SORCS1: variants seen among roughly 807,000 people sequenced by gnomAD.
SORCS1 encodes the protein VPS10 domain-containing receptor SorCS1.
Under a neutral mutation model 146.1 loss-of-function variants are expected in SORCS1, and 60 were observed. That is an observed-to-expected ratio of 0.41 (90% confidence interval 0.33 to 0.51). The LOEUF is 0.51. Among genes scored for constraint, SORCS1 ranks in the 20% least tolerant of loss-of-function variants. SORCS1 has a pLI of 0.21. For missense variants in SORCS1, 1,352 were observed against 1,487.6 expected, an observed-to-expected ratio of 0.91 and a Z score of 1.50; for synonymous variants, 637 against 584.0, an observed-to-expected ratio of 1.09 and a Z score of -1.31.
In SORCS1 at chr10:106,633,658, T is replaced by C. The variant is rs187216652; in HGVS notation, c.2476-4270A>G. Among the ~76,000 whole-genome samples the C allele has an allele frequency of 4.8e-5, 7 of 144,478 alleles. No individual in the cohort carries two copies. The East Asian group carries it at 1.8e-3, about 37-fold the overall frequency. 94.8% of individuals were successfully genotyped at this position (144,478 alleles called of 152,430 possible). A position where few individuals can be genotyped will look rare whatever the true frequency, so the allele number is the denominator to read the frequency against. On this transcript the variant is annotated intron_variant, in intron 18 of 25. Transcript: ENST00000263054. ...TTTGGAGGTATTCTAGGATAGATGA[T>C]AGTAGATTAAACAAACAAACAAACA...
At chr10:106,881,586 T>C (rs542156612) in intron 2 of SORCS1, among the ~76,000 whole-genome samples, 1 of 152,330 alleles carries the variant, frequency 6.6e-6, no homozygotes, top group East Asian at 1.9e-4. Context: ...AAATGCCTTC[T>C]TCAAATCCCA....
rs567742671 is a variant in SORCS1 at position 106,889,121 on chromosome 10, G to A, written c.627-59448C>T. Among the ~76,000 whole-genome samples, 8 of 152,152 alleles carry A rather than the reference G, an allele frequency of 5.3e-5. No individual in the cohort carries two copies. The South Asian group carries it at 1.5e-3, about 28-fold the overall frequency. The stretch of plus-strand genomic sequence containing the variant: ...ATTTTCTACAGGTTCACAGAAATAC[G>A]GGGAAAGGCAAGTTGTTACTTTTTG... On this transcript the variant is annotated intron_variant, in intron 2 of 25. Transcript: ENST00000263054.
intron 8 of SORCS1, among the ~76,000 whole-genome samples, chr10:106,701,791 C>T (rs1456073092): frequency 6.6e-6 from 1 of 152,192 alleles, no homozygotes; most frequent in African/African-American, 2.4e-5. Context: ...AACTCTGTGT[C>T]TCATAATTTC....
At chr10:106,747,109 A>T (rs527618640) in intron 5 of SORCS1, among the ~76,000 whole-genome samples, 4 of 152,344 alleles carry the variant, frequency 2.6e-5, no homozygotes, top group East Asian at 3.9e-4. Context: ...GCACTCATGT[A>T]AAACCCTTTA....
chr10:106,636,625 C>T (rs1848740004), intron 18 of SORCS1, among the ~76,000 whole-genome samples: 1 of 152,108 alleles, frequency 6.6e-6, no homozygotes, highest in South Asian at 2.1e-4. Flanking sequence ...ATTATGAAAA[C>T]AGCATGGGGG....
chr10:106,712,335 T>C (rs546260742), intron 6 of SORCS1, among the ~76,000 whole-genome samples: 1 of 152,304 alleles, frequency 6.6e-6, no homozygotes, highest in South Asian at 2.1e-4. Context: ...GGGTCTGGTA[T>C]CTCATTGTCT....
intron 2 of SORCS1, among the ~76,000 whole-genome samples, chr10:106,908,037 T>C (rs1951987981): frequency 6.6e-6 from 1 of 152,212 alleles, no homozygotes; most frequent in African/African-American, 2.4e-5. Context: ...ACTCAGCATA[T>C]GGTGCCTTAA....
chr10:106,725,878 C>T (rs1243879153), intron 6 of SORCS1, among the ~76,000 whole-genome samples: 1 of 148,724 alleles, frequency 6.7e-6, no homozygotes, highest in South Asian at 2.1e-4. Flanking sequence ...TTGCAGTGAG[C>T]CGAGATGGTG....
intron 1 of SORCS1, among the ~76,000 whole-genome samples, chr10:106,982,528 G>T (rs1956281487): frequency 6.6e-6 from 1 of 152,072 alleles, no homozygotes; most frequent in Non-Finnish European, 1.5e-5. Context: ...GGGAGTAGGG[G>T]GCACATGTCT....
At chr10:106,684,996 A>G (rs973108570) in intron 10 of SORCS1, among the ~76,000 whole-genome samples, 6 of 152,176 alleles carry the variant, frequency 3.9e-5, no homozygotes, top group Admixed American at 1.3e-4. Context: ...TTGAAACTAC[A>G]TTAAACAACA....
At chr10:107,151,528 C>T (rs955178491) in intron 1 of SORCS1, among the ~76,000 whole-genome samples, 1 of 152,086 alleles carries the variant, frequency 6.6e-6, no homozygotes, top group Admixed American at 6.5e-5. Flanking sequence ...AAAGTGGATA[C>T]CCCTGATAAA....
At chr10:107,004,157 CAG>C (rs1401978315) in intron 1 of SORCS1, among the ~76,000 whole-genome samples, 1 of 111,626 alleles carries the variant, frequency 9.0e-6, no homozygotes, top group African/African-American at 3.7e-5. Flanking sequence ...GCCTGGGCGA[CAG>C]AGTGTGATCC....
At chr10:107,083,058 A>G (rs1963457023) in intron 1 of SORCS1, among the ~76,000 whole-genome samples, 1 of 149,056 alleles carries the variant, frequency 6.7e-6, no homozygotes, top group African/African-American at 2.5e-5. Flanking sequence ...GCAGTGAGCC[A>G]TGATCGCACC....
chr10:106,954,969 C>T (rs1488549911), intron 2 of SORCS1, among the ~76,000 whole-genome samples: 1 of 152,248 alleles, frequency 6.6e-6, no homozygotes, highest in Non-Finnish European at 1.5e-5. Flanking sequence ...ATACTGTAGC[C>T]TTCCTGTCCT....
chr10:106,721,022 T>C (rs1246388908), intron 6 of SORCS1, among the ~76,000 whole-genome samples: 6 of 151,898 alleles, frequency 4.0e-5, no homozygotes, highest in Non-Finnish European at 7.4e-5. Flanking sequence ...TCACTAGTCA[T>C]TGAAATCAAG....
chr10:107,152,338 GGTCCCCATGCAAA>G (rs1968875655), intron 1 of SORCS1, among the ~76,000 whole-genome samples: 1 of 152,114 alleles, frequency 6.6e-6, no homozygotes, highest in Non-Finnish European at 1.5e-5. Flanking sequence ...GTGGGTTTGG[GGTCCCCATGCAAA>G]GTCCCCATGG....
At chr10:106,745,101 A>G (rs1245147248) in intron 5 of SORCS1, among the ~76,000 whole-genome samples, 1 of 152,176 alleles carries the variant, frequency 6.6e-6, no homozygotes, top group East Asian at 1.9e-4. Context: ...AGGGACACCT[A>G]AAGTGAGAAA....
intron 2 of SORCS1, among the ~76,000 whole-genome samples, chr10:106,902,903 C>T (rs1416758749): frequency 1.3e-5 from 2 of 152,122 alleles, no homozygotes; most frequent in Admixed American, 1.3e-4. Flanking sequence ...ATGGTGAAAC[C>T]GTGCCTCTAC....
intron 2 of SORCS1, among the ~76,000 whole-genome samples, chr10:106,950,055 C>G (rs6584772): frequency 6.6e-6 from 1 of 152,174 alleles, no homozygotes; most frequent in Non-Finnish European, 1.5e-5. Flanking sequence ...GATAAAACCA[C>G]CACGCTCTCC....
Sources: gnomAD v4.1 joint callset for allele counts (sites outside exome capture counted in the v4.1 genomes callset) on GRCh38, gnomAD v4.1.1 for gene constraint, MANE v1.5 for transcripts, NCBI Gene and HGNC (gene_info 2026-07-23, HGNC 2026-07-21) for gene names.